Variants in MMRN1 observed in about 807,000 individuals in gnomAD.
MMRN1 encodes multimerin-1.
Under a neutral mutation model 100.7 loss-of-function variants are expected in MMRN1, and 94 were observed. The ratio of observed to expected loss-of-function variants is 0.93; its 90% CI spans 0.79 to 1.11. The LOEUF is 1.11. MMRN1 is among the 50% of genes least tolerant of loss of function. The pLI is 0.00. For missense variants in MMRN1, 1,606 were observed against 1,439.1 expected, an observed-to-expected ratio of 1.12 and a Z score of -1.88; for synonymous variants, 575 against 505.0, an observed-to-expected ratio of 1.14 and a Z score of -1.86.
intron 4 of MMRN1, among the ~76,000 whole-genome samples, chr4:89,925,645 C>G (rs1269330338): frequency 1.3e-5 from 2 of 151,804 alleles, no homozygotes; most frequent in Non-Finnish European, 2.9e-5. Flanking sequence ...TCCTGGCCAA[C>G]ATGGTGAAAC....
Position 89,920,445 on chromosome 4 carries a change from G to A in MMRN1, c.851-2723G>A, listed in dbSNP as rs558103353. On this transcript the variant is annotated intron_variant, in intron 3 of 7. Coordinates refer to ENST00000264790, the MANE Select transcript of MMRN1 (RefSeq NM_007351.3). ...TCCATGCTTAACAGTGCCTCTTTAGGGATCTTGTGTTATAACAATAGAAAG... is the reference window on the plus strand; with the variant it reads ...TCCATGCTTAACAGTGCCTCTTTAGAGATCTTGTGTTATAACAATAGAAAG... Among the ~76,000 whole-genome samples, 6 of 152,114 alleles carry A rather than the reference G, an allele frequency of 3.9e-5. No individual in the cohort carries two copies. In the South Asian group the frequency reaches 6.2e-4, roughly 16 times the overall value.
At chr4:89,903,696 T>A (rs2110588509) in intron 1 of MMRN1, among the ~76,000 whole-genome samples, 1 of 151,970 alleles carries the variant, frequency 6.6e-6, no homozygotes, top group South Asian at 2.1e-4. Context: ...TTATTGTAGA[T>A]GCTTCGTAGA....
At chr4:89,945,327 A>C (rs531663026) in intron 6 of MMRN1, among the ~76,000 whole-genome samples, 2 of 152,086 alleles carry the variant, frequency 1.3e-5, no homozygotes, top group African/African-American at 4.8e-5. Context: ...AGGTTTTTGT[A>C]TGAATGTCAG....
chr4:89,921,519 G>C (rs1722087997), intron 3 of MMRN1, among the ~76,000 whole-genome samples: 1 of 152,112 alleles, frequency 6.6e-6, no homozygotes, highest in Admixed American at 6.6e-5. Flanking sequence ...GTATCTGTAT[G>C]AATTAATTTA....
rs773773371 is a variant in MMRN1 at position 89,927,969 on chromosome 4, G to A, written c.1129+1G>A. ...AGAGAATTTCAATCTCTTCTAAAAG[G>A]TAAAAATGAAATAAAATAAAATATT... is the stretch of plus-strand genomic sequence containing the variant. On this transcript the variant is annotated splice_donor_variant, in intron 5 of 7. Transcript: ENST00000264790. LOFTEE classifies it high-confidence loss of function. 3.2e-6 allele frequency: 5 copies of A among 1,543,924 alleles called. No homozygotes were observed. Among genetic ancestry groups the A allele is most frequent in the Admixed American group, 2.1e-5 (1 of 47,388 alleles).
rs184373245 is a variant in MMRN1 at position 89,917,864 on chromosome 4, A to C, written c.851-5304A>C. Among the ~76,000 whole-genome samples, 12 of 151,984 alleles carry C rather than the reference A, an allele frequency of 7.9e-5. No individual in the cohort carries two copies. In the East Asian group the frequency reaches 2.3e-3, roughly 29 times the overall value. ...CCTGAATAAAAAGTGATTGCATTCA[A>C]TTTTTATCAGCACTTAAATACTGTG... On this transcript the variant is annotated intron_variant, in intron 3 of 7. Coordinates refer to ENST00000264790, the MANE Select transcript of MMRN1 (RefSeq NM_007351.3).
chr4:89,937,213 T>C (rs1363371786), intron 6 of MMRN1, among the ~76,000 whole-genome samples: 2 of 152,110 alleles, frequency 1.3e-5, no homozygotes, highest in East Asian at 1.9e-4. Flanking sequence ...TGAATGATCA[T>C]CTGACAATGA....
chr4:89,912,004 T>C lies in MMRN1; in HGVS notation c.804T>C (p.Asp268=). ...AACATAAAATTGTCACCTCATTGGA[T>C]TGGAGGTGCTGTCCTGGATACAGTG... ...RMQHKIVTSL[D]WRCCPGYSGP... Residue 268 remains aspartate, a synonymous_variant, in exon 3 of 8, where the codon GAT becomes GAC. Transcript: ENST00000264790. 2 of 1,604,090 alleles carry C rather than the reference T, an allele frequency of 1.2e-6. No homozygotes were observed. Among genetic ancestry groups the C allele is most frequent in the South Asian group, 1.1e-5 (1 of 89,992 alleles).
Position 89,935,230 on chromosome 4 carries a change from A to G in MMRN1, c.1550A>G (p.His517Arg). The G allele has an allele frequency of 6.2e-7, 1 of 1,613,668 alleles. No homozygotes were observed. Among genetic ancestry groups the G allele is most frequent in the Non-Finnish European group, 8.5e-7 (1 of 1,179,766 alleles). The change falls in exon 6 of 8, where the codon CAT (histidine) becomes CGT (arginine). Residue 517 changes from histidine (H) to arginine (R), a missense_variant. His to Arg is a conservative substitution (Grantham distance 29). Coordinates refer to ENST00000264790, the MANE Select transcript of MMRN1 (RefSeq NM_007351.3). ...ACTCTTTCTAAATTGAAGGAAGTAC[A>G]TGAGCAGCTTTTATCAACTGAACAG... ...NKTLSKLKEV[H>R]EQLLSTEQVS...
chr4:89,953,548 G>C lies in MMRN1; in HGVS notation c.*130G>C. On this transcript the variant is annotated 3_prime_UTR_variant, in exon 8 of 8. Coordinates refer to ENST00000264790, the MANE Select transcript of MMRN1 (RefSeq NM_007351.3). ...AAATCAACTTGTTTTTTTAATATGA[G>C]TAAACTTGTATGTCTATTTTATAAA... 1 of 678,032 alleles carries C rather than the reference G, an allele frequency of 1.5e-6. No individual in the cohort carries two copies. 42.0% of individuals were successfully genotyped at this position (678,032 alleles called of 1,614,324 possible).
chr4:89,909,864 T>C (rs1222898514), intron 2 of MMRN1, among the ~76,000 whole-genome samples: 2 of 151,430 alleles, frequency 1.3e-5, no homozygotes, highest in African/African-American at 4.8e-5. Flanking sequence ...AGCAGCTAGG[T>C]GAAGCTTTTC....
intron 6 of MMRN1, among the ~76,000 whole-genome samples, chr4:89,947,239 G>A (rs1723016377): frequency 6.6e-6 from 1 of 152,154 alleles, no homozygotes; most frequent in Non-Finnish European, 1.5e-5. Flanking sequence ...CCAAGATCAT[G>A]CTACTGCACT....
chr4:89,895,844 G>A (rs1441957410), intron 1 of MMRN1, among the ~76,000 whole-genome samples: 1 of 152,144 alleles, frequency 6.6e-6, no homozygotes, highest in East Asian at 1.9e-4. Context: ...TATAGAGGTA[G>A]TTTTACTTAG....
chr4:89,886,337 T>C (rs35740507), intron 1 of MMRN1, among the ~76,000 whole-genome samples: 1,584 of 152,286 alleles, frequency 0.01, 7 homozygotes, highest in Non-Finnish European at 0.017. Flanking sequence ...ATTGTTTCAT[T>C]TAAAATATTT....
chr4:89,893,423 C>T (rs1396559312), upstream of MMRN1, among the ~76,000 whole-genome samples: 3 of 152,052 alleles, frequency 2.0e-5, no homozygotes, highest in Non-Finnish European at 4.4e-5. Flanking sequence ...GGCCTTATTT[C>T]AAATCCTGGT....
intron 6 of MMRN1, among the ~76,000 whole-genome samples, chr4:89,944,819 G>A (rs1419734931): frequency 1.3e-5 from 2 of 152,146 alleles, no homozygotes; most frequent in African/African-American, 2.4e-5. Flanking sequence ...TGAAATCCAA[G>A]GTAGGAAATT....
intron 6 of MMRN1, among the ~76,000 whole-genome samples, chr4:89,945,991 C>G (rs1174568870): frequency 5.3e-5 from 8 of 152,106 alleles, no homozygotes; most frequent in Non-Finnish European, 1.2e-4. Context: ...TAGAGCAATG[C>G]ATTTGAAAAC....
chr4:89,922,542 C>A (rs1257776733), intron 3 of MMRN1, among the ~76,000 whole-genome samples: 1 of 152,000 alleles, frequency 6.6e-6, no homozygotes, highest in Admixed American at 6.6e-5. Flanking sequence ...ATGGTAAATT[C>A]TTCAGTAGAG....
At chr4:89,891,911 T>G (rs928084795), upstream of MMRN1, among the ~76,000 whole-genome samples, 2 of 152,148 alleles carry the variant, frequency 1.3e-5, no homozygotes, top group South Asian at 4.1e-4. Context: ...TTACAAAGAA[T>G]AAGTCTTGCA....
Sources: gnomAD v4.1 joint callset for allele counts (sites outside exome capture counted in the v4.1 genomes callset) on GRCh38, gnomAD v4.1.1 for gene constraint, MANE v1.5 for transcripts, NCBI Gene and HGNC (gene_info 2026-07-23, HGNC 2026-07-21) for gene names.